Variants in ATP6V0A4 observed in about 807,000 individuals in gnomAD.
The protein encoded by ATP6V0A4 is V-type proton ATPase 116 kDa subunit a 4.
Under a neutral mutation model 107.3 loss-of-function variants are expected in ATP6V0A4, and 86 were observed. That is an observed-to-expected ratio of 0.80 (90% CI 0.67 to 0.96). ATP6V0A4 has a LOEUF of 0.96. Ranked by LOEUF, ATP6V0A4 falls within the 40% of genes least tolerant of loss-of-function variation. The pLI is 0.00. For synonymous variants in ATP6V0A4, 353 were observed against 381.4 expected, an observed-to-expected ratio of 0.93 and a Z score of 0.87; for missense variants, 908 against 1,045.6, an observed-to-expected ratio of 0.87 and a Z score of 1.81.
At position 138,749,189 on chromosome 7, in the gene ATP6V0A4, G is replaced by A. The variant is rs774158552; in HGVS notation, c.1158C>T (p.Gly386=). ...FQNIVDAYGV[G]SYREINPAPY... The stretch of plus-strand genomic sequence containing the variant: ...TACCTGGGTTTATCTCCCGGTAGCT[G>A]CCGACACCATAGGCATCAACAATAT... Residue 386 remains glycine, a synonymous_variant, in exon 12 of 22, where the codon GGC becomes GGT. Coordinates refer to ENST00000310018, the MANE Select transcript of ATP6V0A4 (RefSeq NM_020632.3). 6.2e-6 allele frequency: 10 copies of A among 1,614,052 alleles called. No individual in the cohort carries two copies. The highest frequency in any genetic ancestry group is 7.6e-6 in the Non-Finnish European group (9 of 1,180,016).
intron 1 of ATP6V0A4, among the ~76,000 whole-genome samples, chr7:138,792,477 G>A (rs1020413443): frequency 1.3e-5 from 2 of 152,178 alleles, no homozygotes; most frequent in South Asian, 4.1e-4. Context: ...AATGCATGTC[G>A]TAATCTCTAC....
chr7:138,737,707 G>A (rs1311854027), intron 15 of ATP6V0A4, among the ~76,000 whole-genome samples: 3 of 146,664 alleles, frequency 2.0e-5, no homozygotes, highest in Non-Finnish European at 4.5e-5. Context: ...TCAGCCTCCC[G>A]AGTAGCTGGG....
At chr7:138,723,395 T>TA (rs1804535486) in intron 18 of ATP6V0A4, among the ~76,000 whole-genome samples, 1 of 152,198 alleles carries the variant, frequency 6.6e-6, no homozygotes, top group Admixed American at 6.5e-5. Flanking sequence ...TACCCCTAAG[T>TA]GTGAATGGTA....
At chr7:138,777,622 A>C (rs1191216357) in intron 2 of ATP6V0A4, among the ~76,000 whole-genome samples, 1 of 144,624 alleles carries the variant, frequency 6.9e-6, no homozygotes, top group African/African-American at 2.8e-5. Flanking sequence ...TCTCAAAAAA[A>C]AAAAAAAAAA....
At chr7:138,790,189 A>G (rs188649339) in intron 1 of ATP6V0A4, among the ~76,000 whole-genome samples, 1 of 152,246 alleles carries the variant, frequency 6.6e-6, no homozygotes, top group Admixed American at 6.5e-5. Flanking sequence ...CAAAACTGGA[A>G]TTATATTGAC....
intron 20 of ATP6V0A4, among the ~76,000 whole-genome samples, chr7:138,714,050 C>CA (rs35639605): frequency 9.0e-6 from 1 of 111,240 alleles, no homozygotes; most frequent in Non-Finnish European, 1.8e-5. Flanking sequence ...CTAGCCTAGG[C>CA]AAAAAGGCAA....
intron 15 of ATP6V0A4, among the ~76,000 whole-genome samples, chr7:138,737,973 G>C (rs953529877): frequency 6.6e-6 from 1 of 151,864 alleles, no homozygotes; most frequent in African/African-American, 2.4e-5. Context: ...TGTTGGCCAG[G>C]CTGGTCTCGA....
intron 5 of ATP6V0A4, among the ~76,000 whole-genome samples, chr7:138,768,134 A>G (rs1807186664): frequency 6.6e-6 from 1 of 152,048 alleles, no homozygotes; most frequent in Non-Finnish European, 1.5e-5. Flanking sequence ...GGGTTTCACC[A>G]TGTTGGCCAG....
At chr7:138,784,250 A>G (rs1584950892) in intron 2 of ATP6V0A4, among the ~76,000 whole-genome samples, 1 of 40,820 alleles carries the variant, frequency 2.4e-5, no homozygotes, top group East Asian at 7.2e-4. Context: ...ATATATATAT[A>G]TACATATATA....
At chr7:138,755,319 G>T (rs965968691) in intron 10 of ATP6V0A4, among the ~76,000 whole-genome samples, 2 of 152,230 alleles carry the variant, frequency 1.3e-5, no homozygotes, top group Admixed American at 6.5e-5. Context: ...AGGCAATTCA[G>T]TGGGAAAATA....
chr7:138,784,551 C>T (rs993197682), intron 2 of ATP6V0A4, among the ~76,000 whole-genome samples: 2 of 151,838 alleles, frequency 1.3e-5, no homozygotes, highest in African/African-American at 4.8e-5. Flanking sequence ...ATCTCCTGAC[C>T]TCATGATCCA....
Position 138,756,569 on chromosome 7 carries a change from A to AG in ATP6V0A4, c.640-30dup, listed in dbSNP as rs374733428. The AG allele has an allele frequency of 0.023, 36,513 of 1,581,808 alleles. 522 individuals carry two copies. Among genetic ancestry groups the AG allele is most frequent in the Admixed American group, 0.048 (2,882 of 59,506 alleles). ...GAAAATCAGAATAAGTTAAAAAAAAAGGGGGGGGTTTCTTTCTGGTTAAAA... is the reference window on the plus strand; with the variant it reads ...GAAAATCAGAATAAGTTAAAAAAAAAGGGGGGGGGTTTCTTTCTGGTTAAAA... On this transcript the variant is annotated intron_variant, in intron 8 of 21. Coordinates refer to ENST00000310018, the MANE Select transcript of ATP6V0A4 (RefSeq NM_020632.3).
At chr7:138,774,655 T>TATTATATATTATATATTATATAC (rs1807570459) in intron 2 of ATP6V0A4, among the ~76,000 whole-genome samples, 1 of 146,928 alleles carries the variant, frequency 6.8e-6, no homozygotes, top group Non-Finnish European at 1.5e-5. Flanking sequence ...ATACATTATA[T>TATTATATATTATATATTATATAC]ATTATATATT....
At chr7:138,747,937 A>G (rs773342702) in intron 12 of ATP6V0A4, among the ~76,000 whole-genome samples, 9 of 151,686 alleles carry the variant, frequency 5.9e-5, no homozygotes, top group African/African-American at 9.7e-5. Context: ...AAAATTTTCT[A>G]TAGAGATGAG....
intron 17 of ATP6V0A4, 82 bp downstream of exon 17, chr7:138,732,795 A>G: frequency 8.7e-7 from 1 of 1,148,126 alleles, no homozygotes; most frequent in Non-Finnish European, 1.2e-6. Flanking sequence ...CTCTTTCTCA[A>G]AAAAAAAAAA....
chr7:138,712,326 GAC>G (rs1803788835), intron 20 of ATP6V0A4, among the ~76,000 whole-genome samples: 1 of 152,172 alleles, frequency 6.6e-6, no homozygotes, highest in African/African-American at 2.4e-5. Context: ...TAGTTTGAAG[GAC>G]TTGGGTCATA....
chr7:138,738,880 A>G (rs571532935), intron 15 of ATP6V0A4, among the ~76,000 whole-genome samples: 2 of 152,208 alleles, frequency 1.3e-5, no homozygotes, highest in East Asian at 3.9e-4. Context: ...ATTTCAGACT[A>G]CTCACGCTCA....
chr7:138,752,055 T>C (rs1806255960), intron 11 of ATP6V0A4, among the ~76,000 whole-genome samples: 1 of 152,114 alleles, frequency 6.6e-6, no homozygotes, highest in Non-Finnish European at 1.5e-5. Flanking sequence ...AACGATAGTC[T>C]AGCTGAGAGA....
At chr7:138,794,897 A>ATTT (rs34650343) in intron 1 of ATP6V0A4, among the ~76,000 whole-genome samples, 2 of 104,038 alleles carry the variant, frequency 1.9e-5, no homozygotes, top group Admixed American at 1.1e-4. Context: ...AGCCCACCCT[A>ATTT]TTTTTTTTTT....
Sources: allele counts gnomAD v4.1 joint callset (sites outside exome capture counted in the v4.1 genomes callset), GRCh38; gene constraint gnomAD v4.1.1; transcripts MANE v1.5; gene names NCBI Gene and HGNC (gene_info 2026-07-23, HGNC 2026-07-21).